The following PRRT3 variants were observed in gnomAD, a reference collection of about 807,000 sequenced individuals.
PRRT3 encodes the protein proline rich transmembrane protein 3.
A neutral mutation model predicts 56.6 loss-of-function variants in PRRT3; 48 were observed. That is an observed-to-expected ratio of 0.85 (90% confidence interval 0.67 to 1.08). The LOEUF is 1.08. PRRT3 is among the 50% of genes least tolerant of loss of function. The pLI is 0.00. For synonymous variants in PRRT3, 641 were observed against 619.1 expected (o/e 1.04, Z -0.52); for missense variants, 1,370 against 1,353.1 (o/e 1.01, Z -0.20).
rs1030601198 is a variant in PRRT3, at chr3:9,946,496, C to G, written c.2677G>C (p.Asp893His). The G allele has an allele frequency of 6.5e-7, 1 of 1,539,836 alleles. No individual in the cohort carries two copies. The highest frequency in any genetic ancestry group is 8.8e-7 in the Non-Finnish European group (1 of 1,142,084). Residue 893 changes from aspartate (D) to histidine (H), a missense_variant, in exon 4 of 4, where the codon GAC becomes CAC. Physicochemically the swap from Asp to His is moderately conservative, Grantham distance 81 (BLOSUM62 -1). Coordinates refer to ENST00000412055, the MANE Select transcript of PRRT3 (RefSeq NM_207351.5). This position sits in a 1 kb window ranked among gnomAD's most constrained non-coding sequence, Gnocchi z 4.1. ...CCAGAAGCCGCAGCGGCTGCCCCGTCGGGTGCTTCCACTACGTGCTGTGGG... is the reference window on the plus strand; with the variant it reads ...CCAGAAGCCGCAGCGGCTGCCCCGTGGGGTGCTTCCACTACGTGCTGTGGG... ...PVPQHVVEAP[D>H]GAAAAASGSS...
In PRRT3 at chr3:9,949,972, C is replaced by T. The variant is rs747358409; in HGVS notation, c.144G>A (p.Lys48=). 3 of 1,564,638 alleles carry T rather than the reference C, an allele frequency of 1.9e-6. No homozygotes were observed. The highest frequency in any genetic ancestry group is 2.6e-6 in the Non-Finnish European group (3 of 1,158,780). The change falls in exon 2 of 4, where the codon AAG becomes AAA. Residue 48 remains lysine (K), a synonymous_variant. Coordinates refer to ENST00000412055, the MANE Select transcript of PRRT3 (RefSeq NM_207351.5). This position sits in a 1 kb window ranked among gnomAD's most constrained non-coding sequence, Gnocchi z 4.5. The part of the protein sequence containing the change: ...EIPMIPGAHP[K]GSVGSEPQAF... ...CCTGGGGCTCTGAGCCCACAGAGCC[C>T]TTGGGGTGGGCTCCAGGGATCATAG...
chr3:9,947,232 C>T lies in PRRT3; in HGVS notation c.1941G>A (p.Gly647=), dbSNP rs1316964699. 1.3e-5 allele frequency: 20 copies of T among 1,491,106 alleles called. No individual in the cohort carries two copies. In the African/African-American group the frequency reaches 2.0e-4, roughly 15 times the overall value. 92.4% of individuals were successfully genotyped at this position (1,491,106 alleles called of 1,614,324 possible). The change falls in exon 4 of 4, where the codon GGG becomes GGA. Residue 647 remains glycine, a synonymous_variant. Transcript: ENST00000412055. The surrounding 1 kb of genome is among the most constrained non-coding windows in gnomAD (Gnocchi z 9.2). ...CCAGCTGCAAGCCGCTAGCCAGCAG[C>T]CCCAGCGCGCCCGCCACAGCCAACA... ...PRLLAVAGAL[G]LLASGLQLAA...
Position 9,949,983 on chromosome 3 carries a change from C to T in PRRT3, c.133G>A (p.Ala45Thr). ...ENSEIPMIPG[A>T]HPKGSVGSEP... ...GAGCCCACAGAGCCCTTGGGGTGGG[C>T]TCCAGGGATCATAGGGATTTCGGAG... Residue 45 changes from alanine to threonine, a missense_variant, in exon 2 of 4, where the codon GCC (alanine) becomes ACC (threonine). Coordinates refer to ENST00000412055, the MANE Select transcript of PRRT3 (RefSeq NM_207351.5). The surrounding 1 kb of genome is among the most constrained non-coding windows in gnomAD (Gnocchi z 4.5). The T allele has an allele frequency of 1.9e-6, 3 of 1,552,790 alleles. No individual in the cohort carries two copies. The highest frequency in any genetic ancestry group is 2.6e-6 in the Non-Finnish European group (3 of 1,152,932).
Position 9,952,365 on chromosome 3 carries a change from A to G in PRRT3, c.-101T>C, listed in dbSNP as rs962100553. The G allele has an allele frequency of 2.0e-5, 3 of 152,172 alleles. No individual in the cohort carries two copies. The highest frequency in any genetic ancestry group is 7.2e-5 in the African/African-American group (3 of 41,436). The allele number at this position is 152,172 out of a possible 1,614,324, so 9.4% of individuals were successfully genotyped here. A position where few individuals can be genotyped will look rare whatever the true frequency, so the allele number is the denominator to read the frequency against. ...GTGTTCACCTTGCGCGCGTCCCTGC[A>G]GCCGATCGCCGCGCCGCATCCTCCG... On this transcript the variant is annotated 5_prime_UTR_variant, in exon 1 of 4. Coordinates refer to ENST00000412055, the MANE Select transcript of PRRT3 (RefSeq NM_207351.5).
Position 9,947,979 on chromosome 3 carries a change from C to T in PRRT3, c.1194G>A (p.Gly398=). 1 of 1,354,686 alleles carries T rather than the reference C, an allele frequency of 7.4e-7. No individual in the cohort carries two copies. Among genetic ancestry groups the T allele is most frequent in the Non-Finnish European group, 9.5e-7 (1 of 1,055,226 alleles). 83.9% of individuals were successfully genotyped at this position (1,354,686 alleles called of 1,614,324 possible). A position where few individuals can be genotyped will look rare whatever the true frequency, so the allele number is the denominator to read the frequency against. Residue 398 remains glycine, a synonymous_variant, in exon 4 of 4, where the codon GGG becomes GGA. Transcript: ENST00000412055. This position sits in a 1 kb window ranked among gnomAD's most constrained non-coding sequence, Gnocchi z 9.2. The part of the protein sequence containing the change: ...LQPDEAEEWP[G]RPQSHPPAPP... ...GTGCTGGGGGATGGCTTTGGGGGCG[C>T]CCCGGCCACTCCTCGGCTTCATCTG...
chr3:9,946,781 A>T lies in PRRT3; in HGVS notation c.2392T>A (p.Ser798Thr). 1.9e-6 allele frequency: 3 copies of T among 1,546,298 alleles called. No individual in the cohort carries two copies. In the South Asian group the frequency reaches 3.6e-5, roughly 18 times the overall value. Residue 798 changes from serine (S) to threonine (T), a missense_variant, in exon 4 of 4, where the codon TCG becomes ACG. By Grantham distance (58) the Ser-to-Thr change is moderately conservative. Transcript: ENST00000412055. This position sits in a 1 kb window ranked among gnomAD's most constrained non-coding sequence, Gnocchi z 4.1. ...GGCCGCAGATCCAGCTCGCTCAGCG[A>T]TGGCGCCGGTCCCACACCGTTGCGG... ...LSRNGVGPAP[S>T]LSELDLRPPS...
chr3:9,949,565 C>G lies in PRRT3; in HGVS notation c.551G>C (p.Arg184Thr), dbSNP rs776827403. The G allele has an allele frequency of 6.2e-6, 10 of 1,614,138 alleles. No individual in the cohort carries two copies. The South Asian group carries it at 1.1e-4, about 18-fold the overall frequency. The stretch of plus-strand genomic sequence containing the variant: ...AGTTTTGGCCTTCAGACCCTCATCT[C>G]TAGGTGGCCACTGTCCCTCTTGGCC... The part of the protein sequence containing the change: ...HEGQEGQWPP[R>T]DEGLKAKTKS... Residue 184 changes from arginine (R) to threonine (T), a missense_variant, in exon 2 of 4, where the codon AGA (arginine) becomes ACA (threonine). Arg to Thr is a moderately conservative substitution (Grantham distance 71). Transcript: ENST00000412055. This position sits in a 1 kb window ranked among gnomAD's most constrained non-coding sequence, Gnocchi z 4.5.
Position 9,946,593 on chromosome 3 carries a change from G to C in PRRT3, c.2580C>G (p.Leu860=), listed in dbSNP as rs1246479717. 9 of 1,401,500 alleles carry C rather than the reference G, an allele frequency of 6.4e-6. No individual in the cohort carries two copies. Among genetic ancestry groups the C allele is most frequent in the East Asian group, 2.9e-5 (1 of 34,002 alleles). The allele number at this position is 1,401,500 out of a possible 1,614,324, so 86.8% of individuals were successfully genotyped here. Residue 860 remains leucine, a synonymous_variant, in exon 4 of 4, where the codon CTC becomes CTG. Coordinates refer to ENST00000412055, the MANE Select transcript of PRRT3 (RefSeq NM_207351.5). The surrounding 1 kb of genome is among the most constrained non-coding windows in gnomAD (Gnocchi z 4.1). ...PRRGSHPKAE[L]DDAGSSLLRG... ...GGAGGAGCGAGGAGCCAGCGTCGTC[G>C]AGCTCGGCTTTGGGATGGCTGCCCC... is the stretch of plus-strand genomic sequence containing the variant.
At position 9,949,188 on chromosome 3, in the gene PRRT3, C is replaced by A. The variant is rs368636413; in HGVS notation, c.928G>T (p.Ala310Ser). The part of the protein sequence containing the change: ...VSSPGPPPKQ[A>S]DLPDAKDSPG... Reference sequence around the variant, plus strand: ...GAATCCTTAGCGTCAGGAAGGTCAGCCTGCTTGGGCGGGGGACCTGGGGAG... The same window carrying A: ...GAATCCTTAGCGTCAGGAAGGTCAGACTGCTTGGGCGGGGGACCTGGGGAG... Residue 310 changes from alanine to serine, a missense_variant, in exon 2 of 4, where the codon GCT becomes TCT. By Grantham distance (99) the Ala-to-Ser change is moderately conservative (BLOSUM62 1). Transcript: ENST00000412055. This position sits in a 1 kb window ranked among gnomAD's most constrained non-coding sequence, Gnocchi z 4.5. The A allele has an allele frequency of 1.1e-5, 18 of 1,611,576 alleles. No individual in the cohort carries two copies. Among genetic ancestry groups the A allele is most frequent in the African/African-American group, 4.0e-5 (3 of 74,840 alleles).
chr3:9,950,059 G>A lies in PRRT3; in HGVS notation c.57C>T (p.Leu19=). Residue 19 remains leucine (L), a synonymous_variant, in exon 2 of 4, where the codon CTC becomes CTT. Transcript: ENST00000412055. ...TCCCCAGGGCAGGGCCAGTCCCCAG[G>A]AGTGGCAGCAGCAACAGCAGAAGGC... ...VCGLLLLLLP[L]LGTGPALGRG... is the part of the protein sequence containing the mutation. 1 of 1,511,408 alleles carries A rather than the reference G, an allele frequency of 6.6e-7. No individual in the cohort carries two copies. 93.6% of individuals were successfully genotyped at this position (1,511,408 alleles called of 1,614,324 possible).
intron 3 of PRRT3, 164 bp from the exon 4 acceptor site, chr3:9,948,165 C>T (rs898136446): frequency 3.1e-5 from 20 of 655,156 alleles, no homozygotes; most frequent in African/African-American, 1.5e-4. Context: ...ATGTTTAGCC[C>T]GGTGCCCAAC....
chr3:9,947,386 ACAGAC>A lies in PRRT3; in HGVS notation c.1782_1786del (p.Trp594CysfsTer56), dbSNP rs768700116. ...CAAGCCCTGCGTCAGGAGGTTGAGC[ACAGAC>A]CATGTGGACAGCAGGTCTGTCGCGA... On this transcript the variant is annotated frameshift_variant, in exon 4 of 4. Coordinates refer to ENST00000412055, the MANE Select transcript of PRRT3 (RefSeq NM_207351.5). LOFTEE classifies it high-confidence loss of function. The surrounding 1 kb of genome is among the most constrained non-coding windows in gnomAD (Gnocchi z 9.2). 1 of 1,612,280 alleles carries A rather than the reference ACAGAC, an allele frequency of 6.2e-7. No individual in the cohort carries two copies. The highest frequency in any genetic ancestry group is 8.5e-7 in the Non-Finnish European group (1 of 1,179,596).
intron 3 of PRRT3, 90 bp downstream of exon 3, chr3:9,948,668 C>G: frequency 6.7e-7 from 1 of 1,484,102 alleles, no homozygotes; most frequent in Non-Finnish European, 9.4e-7. Flanking sequence ...TCCATTCATT[C>G]CCCACCCTCC....
rs777489723 is a variant in PRRT3 at position 9,945,612 on chromosome 3, T to C, written c.*615A>G. 2.6e-5 allele frequency: 4 copies of C among 153,098 alleles called. No individual in the cohort carries two copies. Among genetic ancestry groups the C allele is most frequent in the African/African-American group, 4.8e-5 (2 of 41,440 alleles). The allele number at this position is 153,098 out of a possible 1,614,324, so 9.5% of individuals were successfully genotyped here. ...GACAAGCGAGGCTCATCACTCCACG[T>C]TGGGGAGTCTGGGGCACCTGCTCCC... On this transcript the variant is annotated 3_prime_UTR_variant, in exon 4 of 4. Transcript: ENST00000412055.
rs752752155 is a variant in PRRT3 at position 9,947,648 on chromosome 3, G to C, written c.1525C>G (p.Leu509Val). 115 of 1,572,758 alleles carry C rather than the reference G, an allele frequency of 7.3e-5. 1 individual carries two copies. In the Admixed American group the frequency reaches 2.1e-3, roughly 29 times the overall value. Reference sequence around the variant, plus strand: ...CGCAGCGCCGAAGCCACGAGCACCAGCACCGCGGCCACCAATGCCAGCCGG... The same window carrying C: ...CGCAGCGCCGAAGCCACGAGCACCACCACCGCGGCCACCAATGCCAGCCGG... ...GPRLALVAAVLVLVASALRSA... is the reference protein window; with the variant it reads ...GPRLALVAAVVVLVASALRSA... The change falls in exon 4 of 4, where the codon CTG becomes GTG. Residue 509 changes from leucine (L) to valine (V), a missense_variant. Physicochemically the swap from Leu to Val is conservative, Grantham distance 32. Coordinates refer to ENST00000412055, the MANE Select transcript of PRRT3 (RefSeq NM_207351.5). The surrounding 1 kb of genome is among the most constrained non-coding windows in gnomAD (Gnocchi z 9.2).
chr3:9,946,691 C>G lies in PRRT3; in HGVS notation c.2482G>C (p.Asp828His), dbSNP rs761588715. Residue 828 changes from aspartate (D) to histidine (H), a missense_variant, in exon 4 of 4, where the codon GAC becomes CAC. Asp to His is a moderately conservative substitution (Grantham distance 81, BLOSUM62 -1). Transcript: ENST00000412055. The surrounding 1 kb of genome is among the most constrained non-coding windows in gnomAD (Gnocchi z 4.1). ...AALFREHLVR[D>H]SVFQRCGLRG... ...AGGCCGCAGCGCTGGAACACACTGT[C>G]TCGCACTAGGTGCTCGCGGAAGAGC... 29 of 1,460,962 alleles carry G rather than the reference C, an allele frequency of 2.0e-5. No individual in the cohort carries two copies. The highest frequency in any genetic ancestry group is 2.0e-4 in the Middle Eastern group (1 of 4,972). The allele number at this position is 1,460,962 out of a possible 1,614,324, so 90.5% of individuals were successfully genotyped here.
chr3:9,947,086 G>A lies in PRRT3; in HGVS notation c.2087C>T (p.Ala696Val). ...ELTWALALALAAVAAARPRPP... is the reference protein window; with the variant it reads ...ELTWALALALVAVAAARPRPP... Reference sequence around the variant, plus strand: ...CCTGGGTCTCGCGGCAGCCACCGCGGCCAACGCCAGGGCGAGCGCCCATGT... The same window carrying A: ...CCTGGGTCTCGCGGCAGCCACCGCGACCAACGCCAGGGCGAGCGCCCATGT... Residue 696 changes from alanine (A) to valine (V), a missense_variant, in exon 4 of 4, where the codon GCC (alanine) becomes GTC (valine). Coordinates refer to ENST00000412055, the MANE Select transcript of PRRT3 (RefSeq NM_207351.5). This position sits in a 1 kb window ranked among gnomAD's most constrained non-coding sequence, Gnocchi z 9.2. 6.5e-7 allele frequency: 1 copy of A among 1,534,954 alleles called. No homozygotes were observed. The highest frequency in any genetic ancestry group is 8.7e-7 in the Non-Finnish European group (1 of 1,145,462).
chr3:9,946,600 G>A lies in PRRT3; in HGVS notation c.2573C>T (p.Ala858Val). ...LRPRRGSHPK[A>V]ELDDAGSSLL... ...CGAGGAGCCAGCGTCGTCGAGCTCG[G>A]CTTTGGGATGGCTGCCCCGGCGCGG... The change falls in exon 4 of 4, where the codon GCC (alanine) becomes GTC (valine). Residue 858 changes from alanine to valine, a missense_variant. Ala to Val is a moderately conservative substitution (Grantham distance 64). Transcript: ENST00000412055. The surrounding 1 kb of genome is among the most constrained non-coding windows in gnomAD (Gnocchi z 4.1). 1 of 1,400,944 alleles carries A rather than the reference G, an allele frequency of 7.1e-7. No homozygotes were observed. The highest frequency in any genetic ancestry group is 3.6e-5 in the Admixed American group (1 of 27,874). 86.8% of individuals were successfully genotyped at this position (1,400,944 alleles called of 1,614,324 possible). A position where few individuals can be genotyped will look rare whatever the true frequency, so the allele number is the denominator to read the frequency against.
In PRRT3 at chr3:9,947,058, C is replaced by T; in HGVS notation, c.2115G>A (p.Pro705=). Reference sequence around the variant, plus strand: ...TAGCCCAGCAAGCGTGCTCCGTGGGCGGCCTGGGTCTCGCGGCAGCCACCG... The same window carrying T: ...TAGCCCAGCAAGCGTGCTCCGTGGGTGGCCTGGGTCTCGCGGCAGCCACCG... The part of the protein sequence containing the change: ...LAAVAAARPR[P]PTEHACWAKL... The change falls in exon 4 of 4, where the codon CCG becomes CCA. Residue 705 remains proline (P), a synonymous_variant. Coordinates refer to ENST00000412055, the MANE Select transcript of PRRT3 (RefSeq NM_207351.5). This position sits in a 1 kb window ranked among gnomAD's most constrained non-coding sequence, Gnocchi z 9.2. 1 of 1,534,188 alleles carries T rather than the reference C, an allele frequency of 6.5e-7. No individual in the cohort carries two copies. Among genetic ancestry groups the T allele is most frequent in the Non-Finnish European group, 8.7e-7 (1 of 1,144,890 alleles).
Sources: gnomAD v4.1 joint callset for allele counts on GRCh38, gnomAD v4.1.1 for gene constraint, Gnocchi (gnomAD v3.1) non-coding constraint, MANE v1.5 for transcripts, NCBI Gene and HGNC (gene_info 2026-07-23, HGNC 2026-07-21) for gene names.